Variants in EYS observed in about 807,000 individuals in gnomAD.
EYS encodes protein eyes shut homolog.
A neutral mutation model predicts 282.1 loss-of-function variants in EYS; 250 were observed. The ratio of observed to expected loss-of-function variants is 0.89; its 90% CI spans 0.80 to 0.98. EYS has a LOEUF of 0.98. Among genes scored for constraint, EYS ranks in the 50% least tolerant of loss-of-function variants. EYS has a pLI of 0.00. For missense variants in EYS, 4,016 were observed against 3,709.0 expected, an observed-to-expected ratio of 1.08 and a Z score of -2.15; for synonymous variants, 1,355 against 1,282.9, an observed-to-expected ratio of 1.06 and a Z score of -1.20.
At chr6:63,942,408 G>A (rs1765269621) in intron 35 of EYS, among the ~76,000 whole-genome samples, 1 of 152,254 alleles carries the variant, frequency 6.6e-6, no homozygotes, top group East Asian at 1.9e-4. Flanking sequence ...TTTCAATATA[G>A]GATCTTGGAG....
At chr6:64,599,733 C>G (rs934660921) in intron 24 of EYS, among the ~76,000 whole-genome samples, 3 of 152,040 alleles carry the variant, frequency 2.0e-5, no homozygotes, top group Non-Finnish European at 4.4e-5. Context: ...TAGAAAATGG[C>G]AGAGCAAAGA....
intron 35 of EYS, among the ~76,000 whole-genome samples, chr6:63,934,134 A>C (rs1040012396): frequency 6.6e-5 from 10 of 152,194 alleles, no homozygotes; most frequent in Admixed American, 6.5e-4. Flanking sequence ...ATGCAGCCAA[A>C]AGACACATGA....
At chr6:64,397,535 T>C (rs1773418762) in intron 28 of EYS, among the ~76,000 whole-genome samples, 1 of 152,038 alleles carries the variant, frequency 6.6e-6, no homozygotes, top group South Asian at 2.1e-4. Context: ...TTTTATAGGA[T>C]TTTTTAATCT....
intron 19 of EYS, among the ~76,000 whole-genome samples, chr6:64,879,127 G>C (rs9363289): frequency 0.094 from 14,292 of 152,128 alleles, 860 homozygotes; most frequent in East Asian, 0.32. Flanking sequence ...TGGCCCTTAG[G>C]TTCTGGCTCA....
chr6:65,216,466 TATTTA>T (rs1430140716), intron 12 of EYS, among the ~76,000 whole-genome samples: 3 of 151,934 alleles, frequency 2.0e-5, no homozygotes, highest in Admixed American at 6.6e-5. Flanking sequence ...TACACAAATA[TATTTA>T]ATTTACCAAA....
chr6:64,393,347 A>G (rs1296596049), intron 28 of EYS, among the ~76,000 whole-genome samples: 1 of 152,232 alleles, frequency 6.6e-6, no homozygotes, highest in Non-Finnish European at 1.5e-5. Context: ...ATTTTAGACC[A>G]ATATCCTTGA....
At position 65,682,282 on chromosome 6, in the gene EYS, G is replaced by A. The variant is rs537461666; in HGVS notation, c.-448+24853C>T. 2.6e-5 allele frequency among the ~76,000 whole-genome samples: 4 copies of A among 151,934 alleles called. No homozygotes were observed. The East Asian group carries it at 7.8e-4, about 30-fold the overall frequency. On this transcript the variant is annotated intron_variant, in intron 1 of 42. Coordinates refer to ENST00000503581, the MANE Select transcript of EYS (RefSeq NM_001142800.2). ...CATAGGAAACTCCAGTTTCATCAGA[G>A]GGTTGCTAGCAAGTCTGTCCAATCT... is the stretch of plus-strand genomic sequence containing the variant.
At chr6:63,880,531 T>C (rs549682422) in intron 35 of EYS, among the ~76,000 whole-genome samples, 2 of 91,804 alleles carry the variant, frequency 2.2e-5, no homozygotes, top group Admixed American at 2.1e-4. Flanking sequence ...ATCTATCTAT[T>C]CTGTCCCTTT....
At chr6:64,245,224 TC>T (rs1340007739) in intron 30 of EYS, among the ~76,000 whole-genome samples, 4 of 152,038 alleles carry the variant, frequency 2.6e-5, no homozygotes, top group Admixed American at 2.6e-4. Context: ...TACTATGCAG[TC>T]ATAAAAAAGG....
chr6:64,853,948 C>T (rs1765966927), intron 19 of EYS, among the ~76,000 whole-genome samples: 1 of 151,908 alleles, frequency 6.6e-6, no homozygotes. Flanking sequence ...AGGATATGAA[C>T]AGACACTTCT....
intron 5 of EYS, among the ~76,000 whole-genome samples, chr6:65,435,007 G>A (rs1768021199): frequency 1.3e-5 from 2 of 151,366 alleles, no homozygotes; most frequent in African/African-American, 4.9e-5. Context: ...ATTATTACTG[G>A]GTTAGTATAT....
intron 26 of EYS, among the ~76,000 whole-genome samples, chr6:64,494,717 G>A (rs1463964312): frequency 1.3e-5 from 2 of 151,560 alleles, no homozygotes; most frequent in African/African-American, 2.4e-5. Context: ...TGGAATATGT[G>A]ACCTTAAATT....
At chr6:63,852,255 G>A (rs1221632932) in intron 36 of EYS, among the ~76,000 whole-genome samples, 1 of 151,116 alleles carries the variant, frequency 6.6e-6, no homozygotes, top group Non-Finnish European at 1.5e-5. Context: ...ATAAGAAAAG[G>A]GAGAAGAATC....
At chr6:65,591,092 C>A (rs1389277534) in intron 2 of EYS, among the ~76,000 whole-genome samples, 1 of 151,938 alleles carries the variant, frequency 6.6e-6, no homozygotes, top group Non-Finnish European at 1.5e-5. Context: ...ACATTCCCAC[C>A]AACAGTGTGT....
chr6:64,929,539 T>A (rs1768638913), intron 15 of EYS, among the ~76,000 whole-genome samples: 1 of 152,120 alleles, frequency 6.6e-6, no homozygotes, highest in Non-Finnish European at 1.5e-5. Context: ...AAAAAGCAAT[T>A]TTACTTAATC....
intron 11 of EYS, among the ~76,000 whole-genome samples, chr6:65,314,767 T>G (rs1769256088): frequency 6.6e-6 from 1 of 152,056 alleles, no homozygotes; most frequent in Admixed American, 6.6e-5. Context: ...TTTCAGGAAC[T>G]GTGCTCACTC....
Position 63,789,188 on chromosome 6 carries a change from A to AG in EYS, c.7447dup (p.Leu2483ProfsTer8), listed in dbSNP as rs1452804900. The AG allele has an allele frequency of 1.9e-6, 3 of 1,551,946 alleles. No homozygotes were observed. The highest frequency in any genetic ancestry group is 2.6e-6 in the Non-Finnish European group (3 of 1,146,988). ...ATAACTATAAACCACACTGCCATTG[A>AG]GCAGGCCCACAGCCAGGAAGTCATC... On this transcript the variant is annotated frameshift_variant, in exon 38 of 43. Transcript: ENST00000503581. LOFTEE classifies it high-confidence loss of function.
At chr6:64,059,252 CTTGAGGGTCAACCAGTTCTCTGTCA>C (rs1771083761) in intron 33 of EYS, among the ~76,000 whole-genome samples, 1 of 152,100 alleles carries the variant, frequency 6.6e-6, no homozygotes, top group Non-Finnish European at 1.5e-5. Flanking sequence ...GCTCTCAGAA[CTTGAGGGTCAACCAGTTCTCTGTCA>C]TCTCATCTTG....
chr6:64,704,974 C>A (rs1219792081), intron 22 of EYS, among the ~76,000 whole-genome samples: 2 of 151,774 alleles, frequency 1.3e-5, no homozygotes, highest in African/African-American at 2.4e-5. Context: ...GAAGTCCTAG[C>A]CAGAGCAATC....
Sources: allele counts gnomAD v4.1 joint callset (sites outside exome capture counted in the v4.1 genomes callset), GRCh38; gene constraint gnomAD v4.1.1; transcripts MANE v1.5; gene names NCBI Gene and HGNC (gene_info 2026-07-23, HGNC 2026-07-21).